STPG2: variants seen among roughly 807,000 people sequenced by gnomAD.
STPG2 encodes sperm tail PG-rich repeat containing 2, also known as sperm-tail PG-rich repeat-containing protein 2.
A neutral mutation model predicts 54.2 loss-of-function variants in STPG2; 56 were observed. That is an observed-to-expected ratio of 1.03 (90% CI 0.83 to 1.29). STPG2 has a LOEUF of 1.29. Ranked by LOEUF, STPG2 falls within the 50% of genes most tolerant of loss-of-function variation. The pLI is 0.00. For missense variants in STPG2, 596 were observed against 544.9 expected (o/e 1.09, Z -0.93); for synonymous variants, 200 against 181.8 (o/e 1.10, Z -0.81).
At chr4:97,805,353 G>C (rs191526280) in intron 9 of STPG2, among the ~76,000 whole-genome samples, 1 of 151,970 alleles carries the variant, frequency 6.6e-6, no homozygotes, top group Non-Finnish European at 1.5e-5. Flanking sequence ...GATTACAGGC[G>C]CGCACCACCA....
chr4:97,485,772 A>G (rs1430879018), intron 4 of STPG2, among the ~76,000 whole-genome samples: 2 of 151,996 alleles, frequency 1.3e-5, no homozygotes, highest in Non-Finnish European at 2.9e-5. Flanking sequence ...TGGAGGCATC[A>G]CACTACCTGA....
intron 9 of STPG2, among the ~76,000 whole-genome samples, chr4:97,740,583 GC>G (rs1725191714): frequency 1.3e-5 from 2 of 152,024 alleles, no homozygotes; most frequent in Admixed American, 1.3e-4. Context: ...CAAACAGAGA[GC>G]CAAATCATGA....
intron 7 of STPG2, among the ~76,000 whole-genome samples, chr4:97,949,036 G>A (rs1487134733): frequency 6.6e-6 from 1 of 152,002 alleles, no homozygotes; most frequent in Non-Finnish European, 1.5e-5. Context: ...TAATTGTGTT[G>A]CTTTCTATCT....
intron 5 of STPG2, among the ~76,000 whole-genome samples, chr4:98,095,209 C>T (rs1738816550): frequency 6.6e-6 from 1 of 151,738 alleles, no homozygotes; most frequent in African/African-American, 2.4e-5. Flanking sequence ...AGCATTCCAC[C>T]AAAGAAAATC....
At chr4:97,888,566 A>G (rs1438673409) in intron 8 of STPG2, among the ~76,000 whole-genome samples, 1 of 152,172 alleles carries the variant, frequency 6.6e-6, no homozygotes, top group Non-Finnish European at 1.5e-5. Flanking sequence ...ACAAAATTGT[A>G]TCTTGGAAGT....
At position 97,678,089 on chromosome 4, in the gene STPG2, TA is replaced by T. The variant is rs529968570; in HGVS notation, c.1320+34609del. On this transcript the variant is annotated intron_variant, in intron 10 of 10. Transcript: ENST00000295268. ...GTAATTATATGTGTGAACATATCAG[TA>T]AAAAAAAAAATAAATGAAATTGCTA... 5.2e-3 allele frequency among the ~76,000 whole-genome samples: 765 copies of T among 146,610 alleles called. 4 individuals carry two copies. The highest frequency in any genetic ancestry group is 0.027 in the South Asian group (124 of 4,660).
chr4:97,951,212 T>G (rs900748031), intron 7 of STPG2, among the ~76,000 whole-genome samples: 3 of 152,134 alleles, frequency 2.0e-5, no homozygotes, highest in Non-Finnish European at 4.4e-5. Context: ...TTCCAAGTTT[T>G]GGGGGAGACT....
intron 9 of STPG2, among the ~76,000 whole-genome samples, chr4:97,806,538 T>G (rs1202990608): frequency 6.6e-6 from 1 of 151,822 alleles, no homozygotes; most frequent in Non-Finnish European, 1.5e-5. Flanking sequence ...AAATAATAAA[T>G]AAAAAAGCTC....
chr4:97,826,536 A>G (rs544541534), intron 9 of STPG2, among the ~76,000 whole-genome samples: 1 of 152,332 alleles, frequency 6.6e-6, no homozygotes, highest in South Asian at 2.1e-4. Context: ...AAAAAATTGT[A>G]AAAGGTTATA....
At chr4:97,728,317 A>C (rs2149023815) in intron 9 of STPG2, among the ~76,000 whole-genome samples, 1 of 152,192 alleles carries the variant, frequency 6.6e-6, no homozygotes, top group African/African-American at 2.4e-5. Context: ...GAAATGAGAT[A>C]ATTTTGATGT....
At chr4:97,568,102 T>C (rs1451718451) in intron 10 of STPG2, among the ~76,000 whole-genome samples, 2 of 152,054 alleles carry the variant, frequency 1.3e-5, no homozygotes, top group Non-Finnish European at 2.9e-5. Context: ...ATGAATAACA[T>C]AGCCACACTG....
chr4:97,771,910 C>G (rs1282087033), intron 9 of STPG2, among the ~76,000 whole-genome samples: 1 of 152,140 alleles, frequency 6.6e-6, no homozygotes, highest in East Asian at 1.9e-4. Context: ...GAAAGGGCAG[C>G]AGGAAACTAA....
intron 2 of STPG2, among the ~76,000 whole-genome samples, chr4:98,133,520 G>A (rs1030136891): frequency 2.0e-5 from 3 of 151,884 alleles, no homozygotes; most frequent in Non-Finnish European, 2.9e-5. Flanking sequence ...TTCACTACTT[G>A]ATTACTATTT....
chr4:97,456,622 G>A (rs1729527001), intron 4 of STPG2, among the ~76,000 whole-genome samples: 1 of 152,028 alleles, frequency 6.6e-6, no homozygotes, highest in African/African-American at 2.4e-5. Context: ...GGGGCCGGGA[G>A]CGGTGGCTTA....
chr4:97,725,096 G>A (rs186290218), intron 9 of STPG2, among the ~76,000 whole-genome samples: 3 of 152,138 alleles, frequency 2.0e-5, no homozygotes, highest in East Asian at 1.9e-4. Flanking sequence ...TTGCTATTAC[G>A]AGAAAAGAGC....
At chr4:97,634,114 A>G (rs974366176) in intron 10 of STPG2, among the ~76,000 whole-genome samples, 1 of 152,206 alleles carries the variant, frequency 6.6e-6, no homozygotes. Context: ...TGAAGAGAGC[A>G]GGGGTTCTCC....
intron 9 of STPG2, among the ~76,000 whole-genome samples, chr4:97,820,194 C>T (rs1560540778): frequency 6.6e-6 from 1 of 152,106 alleles, no homozygotes; most frequent in Non-Finnish European, 1.5e-5. Flanking sequence ...GAGGGCAACA[C>T]AAACCATGCA....
At chr4:97,989,757 A>T (rs1734950986) in intron 5 of STPG2, among the ~76,000 whole-genome samples, 1 of 152,234 alleles carries the variant, frequency 6.6e-6, no homozygotes, top group African/African-American at 2.4e-5. Context: ...AAGAACTGGG[A>T]TACCCCAACA....
At chr4:97,723,975 C>A (rs1436952648) in intron 9 of STPG2, among the ~76,000 whole-genome samples, 3 of 152,204 alleles carry the variant, frequency 2.0e-5, no homozygotes, top group Non-Finnish European at 4.4e-5. Flanking sequence ...CAAACCATAT[C>A]AGTAAGTTTG....
Sources: allele counts gnomAD v4.1 joint callset (sites outside exome capture counted in the v4.1 genomes callset), GRCh38; gene constraint gnomAD v4.1.1; transcripts MANE v1.5; gene names NCBI Gene and HGNC (gene_info 2026-07-23, HGNC 2026-07-21).